Variants in CCDC66 observed in about 807,000 individuals in gnomAD.
CCDC66 encodes the protein coiled-coil domain containing 66.
CCDC66 carries 133 observed loss-of-function variants against 128.3 expected under a neutral mutation model. The ratio of observed to expected loss-of-function variants is 1.04; its 90% CI spans 0.90 to 1.20. The LOEUF (loss-of-function observed/expected upper bound fraction) is 1.20. CCDC66 is among the 50% of genes most tolerant of loss of function. CCDC66 has a pLI of 0.00. For missense variants in CCDC66, 1,126 were observed against 1,075.5 expected, an observed-to-expected ratio of 1.05 and a Z score of -0.66; for synonymous variants, 387 against 357.0, an observed-to-expected ratio of 1.08 and a Z score of -0.95.
chr3:56,616,858 T>C (rs550437374), intron 13 of CCDC66: 5 of 353,178 alleles, frequency 1.4e-5, no homozygotes, highest in South Asian at 7.4e-5. Context: ...GGTTTGCATT[T>C]CCCCCCCAGT....
rs9848723 is a variant in CCDC66 at position 56,564,148 on chromosome 3, A to G, written c.544+23A>G. On this transcript the variant is annotated intron_variant, in intron 4 of 17. Transcript: ENST00000394672. ...AAAGTAAGATTTTTCTAAAGTTTTC[A>G]TGAATTTTGATTTTTTCAATATGTG... is the stretch of plus-strand genomic sequence containing the variant. The G allele has an allele frequency of 2.5e-3, 3,938 of 1,556,400 alleles. 82 individuals carry two copies. In the African/African-American group the frequency reaches 0.045, roughly 18 times the overall value.
At chr3:56,587,643 G>A (rs1007397837) in intron 7 of CCDC66, among the ~76,000 whole-genome samples, 3 of 152,214 alleles carry the variant, frequency 2.0e-5, no homozygotes, top group Admixed American at 6.5e-5. Flanking sequence ...GGCCTAGGCA[G>A]GCGGATTACC....
rs1330932928 is a variant in CCDC66, at chr3:56,617,089, AATC to A, written c.1844-20_1844-18del. ...GAAAATTTTGTTTACAATTTTTAAA[AATC>A]ATTTGCAACTTTTTTTTAGATGACT... On this transcript the variant is annotated intron_variant, in intron 13 of 17. Coordinates refer to ENST00000394672, the MANE Select transcript of CCDC66 (RefSeq NM_001141947.3). The A allele has an allele frequency of 1.1e-5, 17 of 1,491,676 alleles. No individual in the cohort carries two copies. The highest frequency in any genetic ancestry group is 1.5e-5 in the Non-Finnish European group (17 of 1,115,386). 92.4% of individuals were successfully genotyped at this position (1,491,676 alleles called of 1,614,324 possible).
intron 10 of CCDC66, among the ~76,000 whole-genome samples, chr3:56,596,592 A>G (rs2107012482): frequency 6.6e-6 from 1 of 151,012 alleles, no homozygotes; most frequent in Non-Finnish European, 1.5e-5. Flanking sequence ...TTTCCCGTGC[A>G]GAAGATTTTT....
intron 10 of CCDC66, among the ~76,000 whole-genome samples, chr3:56,613,235 C>T (rs1023977734): frequency 1.3e-5 from 2 of 152,126 alleles, no homozygotes; most frequent in Admixed American, 1.3e-4. Flanking sequence ...AGTCTTGAGA[C>T]CCACAAGAGT....
chr3:56,571,110 G>T, intron 6 of CCDC66, 71 bp from the exon 7 acceptor site: 2 of 1,150,342 alleles, frequency 1.7e-6, no homozygotes, highest in Non-Finnish European at 2.4e-6. Flanking sequence ...GCATTAAGAA[G>T]GTCAGATTTG....
chr3:56,591,701 T>G (rs1022575718), intron 7 of CCDC66, among the ~76,000 whole-genome samples: 1 of 152,204 alleles, frequency 6.6e-6, no homozygotes, highest in Non-Finnish European at 1.5e-5. Flanking sequence ...GTTTTAGACT[T>G]AAATAAGTTG....
At chr3:56,595,440 T>A (rs929144377) in intron 10 of CCDC66, among the ~76,000 whole-genome samples, 5 of 152,188 alleles carry the variant, frequency 3.3e-5, no homozygotes, top group Non-Finnish European at 5.9e-5. Flanking sequence ...ATCATTCCAT[T>A]CTTTAGCTCG....
chr3:56,569,076 A>G (rs1248336679), intron 6 of CCDC66, among the ~76,000 whole-genome samples: 1 of 152,252 alleles, frequency 6.6e-6, no homozygotes. Context: ...TGAGTGGCTC[A>G]CATGTAATCC....
intron 6 of CCDC66, among the ~76,000 whole-genome samples, chr3:56,567,630 G>A (rs2066042235): frequency 6.6e-6 from 1 of 152,170 alleles, no homozygotes; most frequent in South Asian, 2.1e-4. Flanking sequence ...GTTGGAGCAT[G>A]GCAAAACAGA....
chr3:56,607,626 T>G (rs1187733526), intron 10 of CCDC66, among the ~76,000 whole-genome samples: 1 of 152,176 alleles, frequency 6.6e-6, no homozygotes, highest in Non-Finnish European at 1.5e-5. Context: ...TGGATGCCCT[T>G]TATTTATTTC....
In CCDC66 at chr3:56,593,758, G is replaced by C; in HGVS notation, c.1319+17G>C. The C allele has an allele frequency of 1.9e-6, 3 of 1,605,772 alleles. No homozygotes were observed. The highest frequency in any genetic ancestry group is 2.6e-6 in the Non-Finnish European group (3 of 1,173,402). ...GAAAACAAAGTAAGTTCATGCTTATGTATTTATTGACTTTTCAGAAAGTCT... is the reference window on the plus strand; with the variant it reads ...GAAAACAAAGTAAGTTCATGCTTATCTATTTATTGACTTTTCAGAAAGTCT... On this transcript the variant is annotated intron_variant, in intron 9 of 17. Transcript: ENST00000394672.
At chr3:56,571,370 G>T in intron 7 of CCDC66, 68 bp downstream of exon 7, 2 of 1,109,666 alleles carry the variant, frequency 1.8e-6, no homozygotes, top group South Asian at 1.6e-5. Context: ...TATTTTTAAA[G>T]CTTATTAAAA....
intron 7 of CCDC66, among the ~76,000 whole-genome samples, chr3:56,580,351 G>C (rs1268912670): frequency 6.6e-6 from 1 of 150,478 alleles, no homozygotes; most frequent in Non-Finnish European, 1.5e-5. Flanking sequence ...GATGGGTCTT[G>C]ACTCTTTATC....
chr3:56,583,106 G>C (rs1051631343), intron 7 of CCDC66, among the ~76,000 whole-genome samples: 1 of 151,486 alleles, frequency 6.6e-6, no homozygotes, highest in African/African-American at 2.4e-5. Flanking sequence ...GGTTCAAGCA[G>C]TGCAACTGCC....
At chr3:56,591,610 A>G (rs1559693269) in intron 7 of CCDC66, among the ~76,000 whole-genome samples, 1 of 152,212 alleles carries the variant, frequency 6.6e-6, no homozygotes, top group Non-Finnish European at 1.5e-5. Flanking sequence ...TTCTTTTCCC[A>G]TTTTGACCTC....
rs145205237 is a variant in CCDC66 at position 56,569,313 on chromosome 3, T to C, written c.815-1868T>C. On this transcript the variant is annotated intron_variant, in intron 6 of 17. Coordinates refer to ENST00000394672, the MANE Select transcript of CCDC66 (RefSeq NM_001141947.3). The stretch of plus-strand genomic sequence containing the variant: ...TAAAAGAGGTTTATTTGGCCCACAG[T>C]TTTGCAGACTGTACAAGCATGGTAC... 6.4e-3 allele frequency: 2,106 copies of C among 330,674 alleles called. 24 individuals are homozygous for C. Among genetic ancestry groups the C allele is most frequent in the Middle Eastern group, 0.014 (35 of 2,524 alleles). The allele number at this position is 330,674 out of a possible 1,614,324, so 20.5% of individuals were successfully genotyped here. A position where few individuals can be genotyped will look rare whatever the true frequency, so the allele number is the denominator to read the frequency against.
intron 15 of CCDC66, 29 bp from the exon 16 acceptor site, chr3:56,619,242 C>T: frequency 6.7e-7 from 1 of 1,492,940 alleles, no homozygotes; most frequent in Non-Finnish European, 9.0e-7. Context: ...TCTAAATACA[C>T]AATTTTTTAC....
intron 7 of CCDC66, among the ~76,000 whole-genome samples, chr3:56,580,593 A>C (rs540228072): frequency 6.6e-6 from 1 of 151,938 alleles, no homozygotes; most frequent in Admixed American, 6.6e-5. Context: ...GAGCTCTTGT[A>C]AGGCAGGCCT....
Sources: gnomAD v4.1 joint callset for allele counts (sites outside exome capture counted in the v4.1 genomes callset) on GRCh38, gnomAD v4.1.1 for gene constraint, MANE v1.5 for transcripts, NCBI Gene and HGNC (gene_info 2026-07-23, HGNC 2026-07-21) for gene names.